The following TOP1 variants were observed in gnomAD, a reference collection of about 807,000 sequenced individuals.
TOP1 encodes the protein DNA topoisomerase 1.
In TOP1, 10 loss-of-function variants were observed where a neutral mutation model predicts 111.1. The ratio of observed to expected loss-of-function variants is 0.09; its 90% CI spans 0.06 to 0.15. The LOEUF (loss-of-function observed/expected upper bound fraction) is 0.15, where lower values mean the gene tolerates loss of function less well. Ranked by LOEUF, TOP1 falls within the 10% of genes least tolerant of loss-of-function variation. The pLI is 1.00. For synonymous variants in TOP1, 271 were observed against 302.9 expected (o/e 0.89, Z 1.10); for missense variants, 474 against 926.7 (o/e 0.51, Z 6.34).
chr20:41,070,929 C>G (rs2033662293), intron 3 of TOP1, among the ~76,000 whole-genome samples: 1 of 152,220 alleles, frequency 6.6e-6, no homozygotes, highest in Non-Finnish European at 1.5e-5. Context: ...TCAGTTTCCA[C>G]ATCTGTGAAA....
At position 41,032,143 on chromosome 20, in the gene TOP1, G is replaced by A. The variant is rs920561299; in HGVS notation, c.58+2688G>A. Among the ~76,000 whole-genome samples the A allele has an allele frequency of 6.6e-6, 1 of 152,094 alleles. No homozygotes were observed. The highest frequency in any genetic ancestry group is 2.4e-5 in the African/African-American group (1 of 41,396). ...ATTGTTTAAGCGTGATTTTAAGAGGGCCTAACCCATCTTACAGATTAACTG... is the reference window on the plus strand; with the variant it reads ...ATTGTTTAAGCGTGATTTTAAGAGGACCTAACCCATCTTACAGATTAACTG... On this transcript the variant is annotated intron_variant, in intron 2 of 20. Transcript: ENST00000361337. This position sits in a 1 kb window ranked among gnomAD's most constrained non-coding sequence, Gnocchi z 4.3.
At chr20:41,051,024 A>G (rs1240309284) in intron 2 of TOP1, among the ~76,000 whole-genome samples, 1 of 152,216 alleles carries the variant, frequency 6.6e-6, no homozygotes, top group Non-Finnish European at 1.5e-5. Context: ...TTTTCTTTAA[A>G]TAATTTATTC....
At position 41,089,020 on chromosome 20, in the gene TOP1, C is replaced by CTTTTTTTTTTTTTTTTTTTTT. The variant is rs59200685; in HGVS notation, c.615-3450_615-3430dup. On this transcript the variant is annotated intron_variant, in intron 8 of 20. Coordinates refer to ENST00000361337, the MANE Select transcript of TOP1 (RefSeq NM_003286.4). ...TCCCCACTTCTCTGTTGCCCCAGTT[C>CTTTTTTTTTTTTTTTTTTTTT]TTTTTTTTTTTTTTTTTTTTTTGAG... 3.0e-3 allele frequency among the ~76,000 whole-genome samples: 232 copies of CTTTTTTTTTTTTTTTTTTTTT among 77,890 alleles called. 43 individuals carry two copies. The highest frequency in any genetic ancestry group is 0.015 in the East Asian group (24 of 1,606). 51.1% of individuals were successfully genotyped at this position (77,890 alleles called of 152,430 possible). A position where few individuals can be genotyped will look rare whatever the true frequency, so the allele number is the denominator to read the frequency against.
At position 41,120,037 on chromosome 20, in the gene TOP1, A is replaced by G. The variant is rs369501662; in HGVS notation, c.1951-1659A>G. ...GCTGCCTGCCAGATGAGCCCTCCAA[A>G]CCCAGGATTCCTCTCCTGTGTGCCC... On this transcript the variant is annotated intron_variant, in intron 18 of 20. Coordinates refer to ENST00000361337, the MANE Select transcript of TOP1 (RefSeq NM_003286.4). Among the ~76,000 whole-genome samples, 330 of 152,228 alleles carry G rather than the reference A, an allele frequency of 2.2e-3. 1 individual carries two copies. The highest frequency in any genetic ancestry group is 6.5e-3 in the African/African-American group (271 of 41,540).
At chr20:41,059,560 G>A (rs1199305915) in intron 2 of TOP1, among the ~76,000 whole-genome samples, 6 of 151,792 alleles carry the variant, frequency 4.0e-5, no homozygotes, top group Middle Eastern at 3.4e-3. Context: ...GCGTAACATC[G>A]TGATATAAGA....
At chr20:41,089,160 G>T (rs1483148268) in intron 8 of TOP1, among the ~76,000 whole-genome samples, 1 of 151,580 alleles carries the variant, frequency 6.6e-6, no homozygotes, top group Non-Finnish European at 1.5e-5. Context: ...AAGTAGCTGG[G>T]ATTACAGGCT....
intron 2 of TOP1, among the ~76,000 whole-genome samples, chr20:41,039,716 G>A (rs1211321556): frequency 6.6e-6 from 1 of 152,030 alleles, no homozygotes; most frequent in Non-Finnish European, 1.5e-5. Flanking sequence ...AGACCATCCT[G>A]GCTAACACGG....
chr20:41,066,303 A>G (rs886321250), intron 3 of TOP1, among the ~76,000 whole-genome samples: 11 of 151,564 alleles, frequency 7.3e-5, no homozygotes. Context: ...TCATCCTTGT[A>G]CATCCATTTA....
intron 2 of TOP1, among the ~76,000 whole-genome samples, chr20:41,041,397 C>T (rs1341797123): frequency 1.4e-5 from 2 of 142,354 alleles, no homozygotes; most frequent in African/African-American, 2.7e-5. Context: ...CTGCAGGGAG[C>T]CATGTTTGCC....
chr20:41,096,717 T>A (rs1006127834), intron 9 of TOP1, among the ~76,000 whole-genome samples: 1 of 152,210 alleles, frequency 6.6e-6, no homozygotes, highest in African/African-American at 2.4e-5. Context: ...TATATTTTTT[T>A]ATTCATATTC....
intron 17 of TOP1, among the ~76,000 whole-genome samples, chr20:41,117,755 G>A (rs2034357046): frequency 6.6e-6 from 1 of 152,034 alleles, no homozygotes; most frequent in Non-Finnish European, 1.5e-5. Context: ...GAGAGGTGGG[G>A]AGGTAGGAAG....
Position 41,029,105 on chromosome 20 carries a change from G to T in TOP1, c.33+5G>T. 7 of 1,517,528 alleles carry T rather than the reference G, an allele frequency of 4.6e-6. No homozygotes were observed. Among genetic ancestry groups the T allele is most frequent in the Non-Finnish European group, 4.4e-6 (5 of 1,135,430 alleles). 94.0% of individuals were successfully genotyped at this position (1,517,528 alleles called of 1,614,324 possible). On this transcript the variant is annotated splice_donor_5th_base_variant and intron_variant, in intron 1 of 20. Transcript: ENST00000361337. The surrounding 1 kb of genome is among the most constrained non-coding windows in gnomAD (Gnocchi z 6.1). ...CACCTCCACAACGATTCCCAGGTACGGCCCGGCCTGACCCTGGCGGCCCCG... is the reference window on the plus strand; with the variant it reads ...CACCTCCACAACGATTCCCAGGTACTGCCCGGCCTGACCCTGGCGGCCCCG...
rs748749694 is a variant in TOP1, at chr20:41,118,338, A to C, written c.1950+42A>C. The C allele has an allele frequency of 2.6e-5, 42 of 1,605,952 alleles. No individual in the cohort carries two copies. The South Asian group carries it at 4.4e-4, about 17-fold the overall frequency. Reference sequence around the variant, plus strand: ...GAAGGGAACTGTGTCTGCTGTGGGCAGATTATCTGCGAATGAGAGGATTCA... The same window carrying C: ...GAAGGGAACTGTGTCTGCTGTGGGCCGATTATCTGCGAATGAGAGGATTCA... On this transcript the variant is annotated intron_variant, in intron 18 of 20. Coordinates refer to ENST00000361337, the MANE Select transcript of TOP1 (RefSeq NM_003286.4). This position sits in a 1 kb window ranked among gnomAD's most constrained non-coding sequence, Gnocchi z 4.6.
At chr20:41,075,263 C>T (rs1478030815) in intron 3 of TOP1, among the ~76,000 whole-genome samples, 1 of 152,180 alleles carries the variant, frequency 6.6e-6, no homozygotes, top group Non-Finnish European at 1.5e-5. Flanking sequence ...GCTCCGCCTC[C>T]TGGGTTCATG....
In TOP1 at chr20:41,102,818, G is replaced by A. The variant is rs2034085047; in HGVS notation, c.1308+1465G>A. ...CCTTAAGGAACTTATAGGCTGGTGG[G>A]CAAATCAGGTAAGAATTCAGTTGTA... On this transcript the variant is annotated intron_variant, in intron 13 of 20. Transcript: ENST00000361337. The surrounding 1 kb of genome is among the most constrained non-coding windows in gnomAD (Gnocchi z 4.0). 1.3e-5 allele frequency among the ~76,000 whole-genome samples: 2 copies of A among 152,122 alleles called. No individual in the cohort carries two copies. Among genetic ancestry groups the A allele is most frequent in the South Asian group, 2.1e-4 (1 of 4,826 alleles).
chr20:41,099,932 A>C, intron 11 of TOP1, 124 bp from the exon 12 acceptor site: 1 of 627,398 alleles, frequency 1.6e-6, no homozygotes, highest in South Asian at 3.2e-5. Flanking sequence ...CTTTATTTGA[A>C]TTTATTTTTT....
chr20:41,116,479 C>CT lies in TOP1; in HGVS notation c.1822+94dup. ...TATCTAAGGCCTAGAGTCAGTTCTA[C>CT]TTTTTTTCCCTACCATTGTGGTCAG... On this transcript the variant is annotated intron_variant, in intron 17 of 20. Coordinates refer to ENST00000361337, the MANE Select transcript of TOP1 (RefSeq NM_003286.4). This position sits in a 1 kb window ranked among gnomAD's most constrained non-coding sequence, Gnocchi z 5.6. The CT allele has an allele frequency of 3.0e-6, 3 of 996,804 alleles. No homozygotes were observed. Among genetic ancestry groups the CT allele is most frequent in the South Asian group, 2.8e-5 (2 of 70,914 alleles). 61.7% of individuals were successfully genotyped at this position (996,804 alleles called of 1,614,324 possible). A position where few individuals can be genotyped will look rare whatever the true frequency, so the allele number is the denominator to read the frequency against.
intron 9 of TOP1, among the ~76,000 whole-genome samples, chr20:41,093,897 A>AT (rs1247313127): frequency 1.3e-5 from 2 of 152,038 alleles, no homozygotes; most frequent in South Asian, 2.1e-4. Flanking sequence ...TTAAAATGCC[A>AT]TATTTATTAG....
chr20:41,068,146 G>A (rs932417919), intron 3 of TOP1, among the ~76,000 whole-genome samples: 1 of 152,186 alleles, frequency 6.6e-6, no homozygotes, highest in Non-Finnish European at 1.5e-5. Flanking sequence ...CATATGGTAG[G>A]CAGCTCAGGT....
Sources: allele counts gnomAD v4.1 joint callset (sites outside exome capture counted in the v4.1 genomes callset), GRCh38; gene constraint gnomAD v4.1.1; non-coding constraint Gnocchi (gnomAD v3.1); transcripts MANE v1.5; gene names NCBI Gene and HGNC (gene_info 2026-07-23, HGNC 2026-07-21).